PLD5: variants seen among roughly 807,000 people sequenced by gnomAD.
The protein encoded by PLD5 is inactive phospholipase D5.
Under a neutral mutation model 61.1 loss-of-function variants are expected in PLD5, and 36 were observed. The ratio of observed to expected loss-of-function variants is 0.59; its 90% CI spans 0.45 to 0.78. PLD5 has a LOEUF of 0.78. Ranked by LOEUF, PLD5 falls within the 30% of genes least tolerant of loss-of-function variation. PLD5 has a pLI of 0.00. For synonymous variants in PLD5, 243 were observed against 242.8 expected (o/e 1.00, Z -0.01); for missense variants, 515 against 644.4 (o/e 0.80, Z 2.17).
At chr1:242,102,112 T>A (rs913006721) in intron 8 of PLD5, among the ~76,000 whole-genome samples, 3 of 152,244 alleles carry the variant, frequency 2.0e-5, no homozygotes, top group Non-Finnish European at 4.4e-5. Flanking sequence ...TGAGGTCACA[T>A]GAATGTTGAG....
chr1:242,335,195 C>T (rs1659429480), intron 2 of PLD5, among the ~76,000 whole-genome samples: 1 of 151,780 alleles, frequency 6.6e-6, no homozygotes, highest in Admixed American at 6.6e-5. Flanking sequence ...TTTTTCCTTC[C>T]TAATGGAACT....
At chr1:242,183,984 T>C (rs907778342) in intron 5 of PLD5, among the ~76,000 whole-genome samples, 5 of 149,198 alleles carry the variant, frequency 3.4e-5, no homozygotes, top group African/African-American at 1.2e-4. Context: ...TATTTATTTA[T>C]ATCCTAACAA....
At chr1:242,392,049 A>G (rs928293045) in intron 1 of PLD5, among the ~76,000 whole-genome samples, 1 of 152,214 alleles carries the variant, frequency 6.6e-6, no homozygotes, top group Non-Finnish European at 1.5e-5. Context: ...AATACAGTAC[A>G]TATAGAACAT....
At position 242,238,422 on chromosome 1, in the gene PLD5, C is replaced by A. The variant is rs149623227; in HGVS notation, c.608-18307G>T. 4.8e-3 allele frequency among the ~76,000 whole-genome samples: 724 copies of A among 152,296 alleles called. 3 individuals are homozygous for A. The highest frequency in any genetic ancestry group is 7.1e-3 in the Non-Finnish European group (486 of 68,028). On this transcript the variant is annotated intron_variant, in intron 4 of 9. Coordinates refer to ENST00000536534, the MANE Select transcript of PLD5 (RefSeq NM_001372062.1). Reference sequence around the variant, plus strand: ...GCTGCAGGAGCATCTTGCAGATAGACTGGGGGCTGATGATGCCCCTTGCTA... The same window carrying A: ...GCTGCAGGAGCATCTTGCAGATAGAATGGGGGCTGATGATGCCCCTTGCTA...
At chr1:242,161,412 C>G (rs1558288515) in intron 5 of PLD5, among the ~76,000 whole-genome samples, 1 of 151,760 alleles carries the variant, frequency 6.6e-6, no homozygotes, top group Non-Finnish European at 1.5e-5. Flanking sequence ...TGGGTGGGGA[C>G]ACAAACCATA....
At chr1:242,350,254 T>C (rs1660398429) in intron 1 of PLD5, among the ~76,000 whole-genome samples, 1 of 152,124 alleles carries the variant, frequency 6.6e-6, no homozygotes, top group African/African-American at 2.4e-5. Flanking sequence ...GATATTTTGT[T>C]ATGGTAGCCC....
intron 9 of PLD5, among the ~76,000 whole-genome samples, chr1:242,094,045 C>T (rs571800985): frequency 2.0e-5 from 3 of 152,220 alleles, no homozygotes; most frequent in African/African-American, 7.2e-5. Context: ...CTACCTTTCA[C>T]TTCCTGACCG....
intron 5 of PLD5, among the ~76,000 whole-genome samples, chr1:242,163,816 C>T (rs1246917657): frequency 1.3e-5 from 2 of 150,364 alleles, no homozygotes; most frequent in African/African-American, 5.0e-5. Flanking sequence ...GCAGGATGAG[C>T]AGGGAGAGAC....
intron 2 of PLD5, among the ~76,000 whole-genome samples, chr1:242,334,806 A>G (rs1049021515): frequency 7.2e-5 from 11 of 152,184 alleles, no homozygotes; most frequent in Admixed American, 6.5e-4. Flanking sequence ...ATGGCCATGA[A>G]CAGTACAGAA....
At chr1:242,507,074 C>T (rs545541132) in intron 1 of PLD5, among the ~76,000 whole-genome samples, 1 of 152,296 alleles carries the variant, frequency 6.6e-6, no homozygotes, top group East Asian at 1.9e-4. Context: ...AAGGGTCTAT[C>T]TCTGGACTTT....
chr1:242,503,609 C>T (rs1224440648), intron 1 of PLD5, among the ~76,000 whole-genome samples: 1 of 152,188 alleles, frequency 6.6e-6, no homozygotes, highest in Non-Finnish European at 1.5e-5. Context: ...CAGATGCCCT[C>T]CACCTCACAA....
intron 4 of PLD5, 40 bp from the exon 5 acceptor site, chr1:242,220,155 G>C (rs1444935334): frequency 6.2e-7 from 1 of 1,605,120 alleles, no homozygotes. Context: ...TCTGCGTCAA[G>C]GCCCTGCCTG....
At chr1:242,118,836 A>T (rs1377751329) in intron 6 of PLD5, among the ~76,000 whole-genome samples, 2 of 152,222 alleles carry the variant, frequency 1.3e-5, no homozygotes. Context: ...TACCTTTAAA[A>T]ATAGTGCCTG....
intron 1 of PLD5, among the ~76,000 whole-genome samples, 161 bp from the exon 2 acceptor site, chr1:242,348,403 TTA>T (rs1660263462): frequency 6.6e-6 from 1 of 152,086 alleles, no homozygotes; most frequent in African/African-American, 2.4e-5. Context: ...CCAAAGATCT[TTA>T]TGCTTATTTC....
chr1:242,193,560 G>T (rs922400477), intron 5 of PLD5, among the ~76,000 whole-genome samples: 1 of 152,254 alleles, frequency 6.6e-6, no homozygotes, highest in Non-Finnish European at 1.5e-5. Flanking sequence ...TGAGACAAAA[G>T]GAGGCATTTG....
intron 5 of PLD5, among the ~76,000 whole-genome samples, chr1:242,133,111 C>T (rs375396706): frequency 9.9e-5 from 15 of 151,844 alleles, no homozygotes; most frequent in African/African-American, 3.1e-4. Flanking sequence ...GGTCCCCTCC[C>T]GCAACCAATC....
chr1:242,251,903 A>G (rs1343720167), intron 4 of PLD5, among the ~76,000 whole-genome samples: 2 of 152,194 alleles, frequency 1.3e-5, no homozygotes, highest in African/African-American at 4.8e-5. Flanking sequence ...AGATGCATGT[A>G]GATATGGAAA....
intron 4 of PLD5, among the ~76,000 whole-genome samples, chr1:242,254,416 T>C (rs1418594023): frequency 6.7e-6 from 1 of 150,064 alleles, no homozygotes; most frequent in East Asian, 2.0e-4. Flanking sequence ...ACGCCTGTAA[T>C]CCCAGCACTT....
intron 1 of PLD5, among the ~76,000 whole-genome samples, chr1:242,394,802 G>A (rs866695240): frequency 1.5e-5 from 1 of 67,640 alleles, no homozygotes; most frequent in African/African-American, 6.6e-5. Flanking sequence ...ATATATATGT[G>A]TATATATGTG....
Sources: gnomAD v4.1 joint callset for allele counts (sites outside exome capture counted in the v4.1 genomes callset) on GRCh38, gnomAD v4.1.1 for gene constraint, MANE v1.5 for transcripts, NCBI Gene and HGNC (gene_info 2026-07-23, HGNC 2026-07-21) for gene names.